CDH8: variants seen among roughly 807,000 people sequenced by gnomAD.
CDH8 encodes the protein cadherin 8.
In CDH8, 17 loss-of-function variants were observed where a neutral mutation model predicts 68.1. That is an observed-to-expected ratio of 0.25 (90% CI 0.17 to 0.37). CDH8 has a LOEUF of 0.37. Ranked by LOEUF, CDH8 falls within the 10% of genes least tolerant of loss-of-function variation. The pLI, the probability that CDH8 is intolerant of heterozygous loss-of-function variation, is 1.00. For missense variants in CDH8, 763 were observed against 999.3 expected (o/e 0.76, Z 3.19); for synonymous variants, 372 against 365.1 (o/e 1.02, Z -0.21).
At chr16:61,813,630 C>A (rs374840444) in intron 7 of CDH8, among the ~76,000 whole-genome samples, 3 of 152,170 alleles carry the variant, frequency 2.0e-5, no homozygotes, top group Admixed American at 6.5e-5. Flanking sequence ...AGGATTCAAT[C>A]TGTGAGGTGG....
intron 10 of CDH8, among the ~76,000 whole-genome samples, chr16:61,674,472 C>A (rs111707228): frequency 2.1e-4 from 29 of 137,916 alleles, no homozygotes; most frequent in African/African-American, 9.5e-4. Context: ...AAAAAAAAAA[C>A]CCTCACACTG....
intron 9 of CDH8, among the ~76,000 whole-genome samples, chr16:61,721,207 G>A (rs1327454841): frequency 1.3e-5 from 2 of 150,834 alleles, no homozygotes; most frequent in East Asian, 1.9e-4. Flanking sequence ...TTTGCTACAT[G>A]TGGTTTCTTC....
intron 8 of CDH8, among the ~76,000 whole-genome samples, chr16:61,783,461 T>C (rs1172641209): frequency 8.4e-4 from 127 of 151,952 alleles, no homozygotes; most frequent in Admixed American, 5.3e-3. Context: ...CTACATCTCA[T>C]TGGTGTACCT....
chr16:61,812,406 T>G (rs1722014116), intron 7 of CDH8, among the ~76,000 whole-genome samples: 1 of 152,220 alleles, frequency 6.6e-6, no homozygotes, highest in South Asian at 2.1e-4. Context: ...TGATCTTATG[T>G]TGACCTCCTA....
chr16:61,660,830 A>G (rs1219555444), intron 10 of CDH8, among the ~76,000 whole-genome samples: 1 of 152,096 alleles, frequency 6.6e-6, no homozygotes, highest in Non-Finnish European at 1.5e-5. Flanking sequence ...TATCTTTCAA[A>G]ATAAATATGT....
At chr16:61,838,540 G>T (rs2143007347) in intron 4 of CDH8, among the ~76,000 whole-genome samples, 1 of 152,186 alleles carries the variant, frequency 6.6e-6, no homozygotes, top group Admixed American at 6.6e-5. Flanking sequence ...ACTCTTCGTT[G>T]CTCATGGTAA....
chr16:61,748,885 C>T (rs1376191862), intron 8 of CDH8, among the ~76,000 whole-genome samples: 1 of 152,046 alleles, frequency 6.6e-6, no homozygotes, highest in Non-Finnish European at 1.5e-5. Flanking sequence ...CAATAATGAT[C>T]ACAGAGTAAT....
chr16:61,850,662 C>T (rs1398709735), intron 4 of CDH8, among the ~76,000 whole-genome samples: 2 of 151,910 alleles, frequency 1.3e-5, no homozygotes, highest in South Asian at 2.1e-4. Flanking sequence ...TATCTTTTCC[C>T]CTGAGCACAC....
At chr16:62,000,712 TGAATTGAA>T (rs1321665772) in intron 2 of CDH8, among the ~76,000 whole-genome samples, 1 of 152,080 alleles carries the variant, frequency 6.6e-6, no homozygotes, top group African/African-American at 2.4e-5. Context: ...GCCAAAATGT[TGAATTGAA>T]GTTTTTCTCA....
chr16:61,724,085 G>C (rs146814549), intron 9 of CDH8, among the ~76,000 whole-genome samples: 4 of 150,684 alleles, frequency 2.7e-5, no homozygotes, highest in Admixed American at 1.3e-4. Context: ...ATGTGATTCA[G>C]GTTGATTTTG....
intron 4 of CDH8, among the ~76,000 whole-genome samples, chr16:61,825,639 GA>G (rs1216483624): frequency 6.6e-6 from 1 of 151,790 alleles, no homozygotes; most frequent in Admixed American, 6.6e-5. Context: ...ATACATTTGA[GA>G]GATGAAATAA....
intron 3 of CDH8, among the ~76,000 whole-genome samples, chr16:61,887,593 G>A (rs1466060745): frequency 6.6e-6 from 1 of 151,986 alleles, no homozygotes; most frequent in African/African-American, 2.4e-5. Flanking sequence ...CTTCATGTAA[G>A]GACACCATTC....
At chr16:61,876,199 A>C (rs543286611) in intron 3 of CDH8, among the ~76,000 whole-genome samples, 1 of 152,252 alleles carries the variant, frequency 6.6e-6, no homozygotes, top group East Asian at 1.9e-4. Flanking sequence ...TAGGATGGTA[A>C]ATTAAGAAAT....
chr16:61,808,791 A>G (rs1227791878), intron 7 of CDH8, among the ~76,000 whole-genome samples: 3 of 152,172 alleles, frequency 2.0e-5, no homozygotes. Context: ...AGTTTTTTGT[A>G]AAGAACGTAT....
rs1960680145 is a variant in CDH8, at chr16:61,768,382, C to CTCCCTT, written c.1414+20963_1414+20964insAAGGGA. On this transcript the variant is annotated intron_variant, in intron 8 of 11. Transcript: ENST00000577390. The stretch of plus-strand genomic sequence containing the variant: ...TCTCTCTCTCTCCCTTTCTCTCTCT[C>CTCCCTT]TCTCTCTCTCTCCCTTTCTCTCTCT... Among the ~76,000 whole-genome samples, 8 of 103,792 alleles carry CTCCCTT rather than the reference C, an allele frequency of 7.7e-5. No homozygotes were observed. In the East Asian group the frequency reaches 1.1e-3, roughly 14 times the overall value. The allele number at this position is 103,792 out of a possible 152,430, so 68.1% of individuals were successfully genotyped here.
intron 10 of CDH8, among the ~76,000 whole-genome samples, chr16:61,678,461 C>T (rs1364940421): frequency 6.6e-6 from 1 of 152,078 alleles, no homozygotes; most frequent in African/African-American, 2.4e-5. Flanking sequence ...TAGCCACTTG[C>T]TTTTCGTTTT....
Position 61,651,954 on chromosome 16 carries a change from T to C in CDH8, c.*1654A>G. 2.4e-6 allele frequency: 1 copy of C among 409,234 alleles called. No homozygotes were observed. Among genetic ancestry groups the C allele is most frequent in the Non-Finnish European group, 3.3e-6 (1 of 303,552 alleles). 25.4% of individuals were successfully genotyped at this position (409,234 alleles called of 1,614,324 possible). On this transcript the variant is annotated 3_prime_UTR_variant, in exon 12 of 12. Coordinates refer to ENST00000577390, the MANE Select transcript of CDH8 (RefSeq NM_001796.5). ...AGTATTCTAGAATTTTAGTTTGAGT[T>C]GATGATTCTGTTAATAGATCTTCCA... is the stretch of plus-strand genomic sequence containing the variant.
intron 7 of CDH8, among the ~76,000 whole-genome samples, chr16:61,804,074 C>T (rs1961734728): frequency 7.4e-6 from 1 of 134,836 alleles, no homozygotes; most frequent in South Asian, 2.4e-4. Flanking sequence ...GGAAGTAAAG[C>T]TCTCCTCAGC....
chr16:61,665,865 CCT>C lies in CDH8; in HGVS notation c.1655-10146_1655-10145del, dbSNP rs200334515. Among the ~76,000 whole-genome samples the C allele has an allele frequency of 7.6e-3, 1,108 of 145,416 alleles. 28 individuals carry two copies. Among genetic ancestry groups the C allele is most frequent in the African/African-American group, 0.027 (1,062 of 39,852 alleles). On this transcript the variant is annotated intron_variant, in intron 10 of 11. Transcript: ENST00000577390. The stretch of plus-strand genomic sequence containing the variant: ...CCCTCCCTCCTTCCTTCCTTCCTTG[CCT>C]CTTTCCTTTCTTTTATTTCTTTCAG...
Sources: gnomAD v4.1 joint callset for allele counts (sites outside exome capture counted in the v4.1 genomes callset) on GRCh38, gnomAD v4.1.1 for gene constraint, MANE v1.5 for transcripts, NCBI Gene and HGNC (gene_info 2026-07-23, HGNC 2026-07-21) for gene names.